Variants in PHF24 observed in about 807,000 individuals in gnomAD.
PHF24 encodes the protein PHD finger protein 24, also known as Galpha inhibitory interacting protein.
Under a neutral mutation model 42.6 loss-of-function variants are expected in PHF24, and 25 were observed. The ratio of observed to expected loss-of-function variants is 0.59; its 90% CI spans 0.43 to 0.82. PHF24 has a LOEUF of 0.82. PHF24 is among the 40% of genes least tolerant of loss of function. PHF24 has a pLI of 0.00. For synonymous variants in PHF24, 185 were observed against 204.8 expected, an observed-to-expected ratio of 0.90 and a Z score of 0.83; for missense variants, 470 against 538.1, an observed-to-expected ratio of 0.87 and a Z score of 1.25.
At chr9:34,813,658 T>C in the PHF24 span, among the ~76,000 whole-genome samples, 3 of 152,228 alleles carry the variant, frequency 2.0e-5, no homozygotes, top group African/African-American at 7.2e-5. Context: ...TGCAGTTCTT[T>C]GCCATGTGGG....
chr9:34,719,364 A>G, the PHF24 span, among the ~76,000 whole-genome samples: 1 of 151,994 alleles, frequency 6.6e-6, no homozygotes, highest in South Asian at 2.1e-4. Flanking sequence ...TTGAGTTTGT[A>G]CTCTACATGT....
chr9:34,825,240 C>T, the PHF24 span, among the ~76,000 whole-genome samples: 21 of 151,874 alleles, frequency 1.4e-4, no homozygotes, highest in African/African-American at 5.1e-4. Context: ...ATTGGGGGCC[C>T]TCAGGGTGAT....
chr9:34,682,848 T>G, the PHF24 span, among the ~76,000 whole-genome samples: 1 of 152,128 alleles, frequency 6.6e-6, no homozygotes, highest in Non-Finnish European at 1.5e-5. Flanking sequence ...GCCGTGGTGG[T>G]GAAAGTGATG....
the PHF24 span, among the ~76,000 whole-genome samples, chr9:34,743,943 G>A: frequency 6.6e-6 from 1 of 152,188 alleles, no homozygotes; most frequent in Non-Finnish European, 1.5e-5. Context: ...ATGAGACAAA[G>A]GGAGGCACTA....
At chr9:34,745,340 C>G in the PHF24 span, among the ~76,000 whole-genome samples, 1 of 152,166 alleles carries the variant, frequency 6.6e-6, no homozygotes, top group East Asian at 1.9e-4. Context: ...ACTCAATTTT[C>G]CATCCATCAA....
At chr9:34,898,786 A>T in the PHF24 span, among the ~76,000 whole-genome samples, 2 of 152,178 alleles carry the variant, frequency 1.3e-5, no homozygotes, top group African/African-American at 4.8e-5. Context: ...CACCCAGCAG[A>T]ATCACCACAT....
the PHF24 span, among the ~76,000 whole-genome samples, chr9:34,751,466 T>C: frequency 2.0e-5 from 3 of 152,298 alleles, no homozygotes; most frequent in Middle Eastern, 0.01. Context: ...AAGGTCATTA[T>C]ATAATAATGA....
the PHF24 span, among the ~76,000 whole-genome samples, chr9:34,840,733 C>CTTT: frequency 6.6e-6 from 1 of 152,016 alleles, no homozygotes; most frequent in Non-Finnish European, 1.5e-5. Context: ...TTGAGCATAT[C>CTTT]ATTTTCTTTA....
the PHF24 span, among the ~76,000 whole-genome samples, chr9:34,790,989 T>G: frequency 6.6e-6 from 1 of 152,192 alleles, no homozygotes; most frequent in East Asian, 1.9e-4. Flanking sequence ...GGCTAGATAA[T>G]GTAGGGGCTT....
At chr9:34,794,212 G>A in the PHF24 span, among the ~76,000 whole-genome samples, 1 of 152,100 alleles carries the variant, frequency 6.6e-6, no homozygotes, top group African/African-American at 2.4e-5. Context: ...GCACTTGGTG[G>A]TGCACATGCA....
the PHF24 span, among the ~76,000 whole-genome samples, chr9:34,669,951 A>G: frequency 6.6e-6 from 1 of 152,116 alleles, no homozygotes. Context: ...CTGGGGAGGA[A>G]GGGGGCGCTG....
chr9:34,702,707 G>A, the PHF24 span, among the ~76,000 whole-genome samples: 1 of 152,166 alleles, frequency 6.6e-6, no homozygotes, highest in Non-Finnish European at 1.5e-5. Context: ...CACTTTGGGA[G>A]GATGAGGCTG....
At chr9:34,936,042 GCTCCCA>G in the PHF24 span, among the ~76,000 whole-genome samples, 10 of 140,622 alleles carry the variant, frequency 7.1e-5, no homozygotes, top group Admixed American at 7.0e-4. Context: ...TCCCGCTCCC[GCTCCCA>G]CCCCCTCTCC....
At chr9:34,676,470 C>T in the PHF24 span, among the ~76,000 whole-genome samples, 1 of 152,108 alleles carries the variant, frequency 6.6e-6, no homozygotes, top group African/African-American at 2.4e-5. Context: ...CTGAAGTGAG[C>T]CATGATTATG....
At chr9:34,981,731 ATTTTC>A (rs926860419) in exon 8 of PHF24, 13 of 140,110 alleles carry the variant, frequency 9.3e-5, no homozygotes, top group Admixed American at 4.9e-4. Flanking sequence ...TAAAATTCCT[ATTTTC>A]TTTTTTTTTT....
At chr9:34,755,077 G>T in the PHF24 span, among the ~76,000 whole-genome samples, 8 of 151,832 alleles carry the variant, frequency 5.3e-5, no homozygotes, top group African/African-American at 1.9e-4. Context: ...TTGGAGGGTT[G>T]GGGGGAAGTA....
the PHF24 span, among the ~76,000 whole-genome samples, chr9:34,874,397 A>G: frequency 1.3e-5 from 2 of 152,160 alleles, no homozygotes; most frequent in Non-Finnish European, 2.9e-5. Flanking sequence ...GACGTATCTC[A>G]AAATAACAAG....
At chr9:34,677,882 CT>C in the PHF24 span, among the ~76,000 whole-genome samples, 1 of 152,134 alleles carries the variant, frequency 6.6e-6, no homozygotes, top group African/African-American at 2.4e-5. Context: ...CTGGTCATTC[CT>C]CCTTGAATGG....
At chr9:34,971,197 GA>G in intron 1 of PHF24, 97 bp from the exon 2 acceptor site, 1 of 1,356,272 alleles carries the variant, frequency 7.4e-7, no homozygotes, top group Non-Finnish European at 1.0e-6. Context: ...AGAAGAGGGA[GA>G]AACTGTTTAA....
Sources: gnomAD v4.1 joint callset for allele counts (sites outside exome capture counted in the v4.1 genomes callset) on GRCh38, gnomAD v4.1.1 for gene constraint, MANE v1.5 for transcripts, NCBI Gene and HGNC (gene_info 2026-07-23, HGNC 2026-07-21) for gene names.